CADM1: variants seen among roughly 807,000 people sequenced by gnomAD.
The protein encoded by CADM1 is TSLC-1.
Under a neutral mutation model 53.1 loss-of-function variants are expected in CADM1, and 15 were observed. That is an observed-to-expected ratio of 0.28 (90% CI 0.19 to 0.44). The LOEUF is 0.44. Among genes scored for constraint, CADM1 ranks in the 20% least tolerant of loss-of-function variants. The probability of loss-of-function intolerance (pLI) is 1.00; values close to 1 mark genes in which losing one functional copy is unlikely to be tolerated. For synonymous variants in CADM1, 281 were observed against 243.0 expected (o/e 1.16, Z -1.45); for missense variants, 434 against 611.3 (o/e 0.71, Z 3.06).
At chr11:115,330,836 C>T (rs1421749326) in intron 1 of CADM1, among the ~76,000 whole-genome samples, 1 of 152,186 alleles carries the variant, frequency 6.6e-6, no homozygotes, top group African/African-American at 2.4e-5. Flanking sequence ...AGCCCAGAAC[C>T]TGGGTGGGAG....
intron 1 of CADM1, among the ~76,000 whole-genome samples, chr11:115,260,799 A>G (rs1942951276): frequency 6.6e-6 from 1 of 152,004 alleles, no homozygotes; most frequent in Admixed American, 6.6e-5. Context: ...CAGCCTCCCG[A>G]GTAGCTGGGA....
intron 1 of CADM1, among the ~76,000 whole-genome samples, chr11:115,425,860 C>T (rs1226224600): frequency 1.3e-5 from 2 of 152,160 alleles, no homozygotes; most frequent in Non-Finnish European, 2.9e-5. Flanking sequence ...CTTTACGTGA[C>T]CATGAAGGGA....
At chr11:115,414,616 CA>C (rs1947546672) in intron 1 of CADM1, among the ~76,000 whole-genome samples, 1 of 152,020 alleles carries the variant, frequency 6.6e-6, no homozygotes, top group Non-Finnish European at 1.5e-5. Flanking sequence ...AATCATGAGC[CA>C]AAGAGTTTCT....
chr11:115,417,142 C>G (rs1161217426), intron 1 of CADM1, among the ~76,000 whole-genome samples: 1 of 152,152 alleles, frequency 6.6e-6, no homozygotes, highest in African/African-American at 2.4e-5. Context: ...GATTTCAACT[C>G]ACTTGAAAAC....
intron 1 of CADM1, among the ~76,000 whole-genome samples, chr11:115,337,399 C>T (rs957269252): frequency 6.6e-6 from 1 of 152,142 alleles, no homozygotes; most frequent in African/African-American, 2.4e-5. Flanking sequence ...AACAGCACCT[C>T]TCTTTTCCAG....
intron 1 of CADM1, among the ~76,000 whole-genome samples, chr11:115,248,844 G>A (rs1419245807): frequency 6.6e-6 from 1 of 152,184 alleles, no homozygotes; most frequent in Non-Finnish European, 1.5e-5. Flanking sequence ...ATTTGTTTGT[G>A]AGATGGCATT....
chr11:115,440,225 T>C (rs1948278960), intron 1 of CADM1, among the ~76,000 whole-genome samples: 1 of 152,362 alleles, frequency 6.6e-6, no homozygotes, highest in Middle Eastern at 3.4e-3. Context: ...AATCACTGTA[T>C]GGATACGCTA....
intron 1 of CADM1, among the ~76,000 whole-genome samples, chr11:115,410,514 A>AAT (rs2135243759): frequency 6.6e-6 from 1 of 152,320 alleles, no homozygotes; most frequent in Non-Finnish European, 1.5e-5. Context: ...AGAGCAACAG[A>AAT]ATAAATGCTG....
At chr11:115,178,195 C>A (rs1016555927) in intron 11 of CADM1, among the ~76,000 whole-genome samples, 1 of 152,196 alleles carries the variant, frequency 6.6e-6, no homozygotes. Flanking sequence ...GCAGTCTTCT[C>A]GCCATTGTGA....
intron 8 of CADM1, among the ~76,000 whole-genome samples, chr11:115,206,287 A>G (rs1179530135): frequency 1.3e-5 from 2 of 152,210 alleles, no homozygotes; most frequent in Non-Finnish European, 2.9e-5. Flanking sequence ...TAGAGACTAC[A>G]AAAATTTCTC....
intron 1 of CADM1, among the ~76,000 whole-genome samples, chr11:115,285,627 G>T (rs1943710127): frequency 6.6e-6 from 1 of 152,194 alleles, no homozygotes; most frequent in Non-Finnish European, 1.5e-5. Context: ...ACTGCTATGT[G>T]TTTTCATATA....
At chr11:115,239,078 T>C (rs1384639841) in intron 2 of CADM1, among the ~76,000 whole-genome samples, 1 of 152,126 alleles carries the variant, frequency 6.6e-6, no homozygotes, top group East Asian at 1.9e-4. Context: ...CTTTGGGCAC[T>C]GGAAGTTCAG....
rs369683712 is a variant in CADM1 at position 115,170,834 on chromosome 11, G to A, written c.*5640C>T. 2 of 152,104 alleles carry A rather than the reference G, an allele frequency of 1.3e-5. No homozygotes were observed. The highest frequency in any genetic ancestry group is 2.9e-5 in the Non-Finnish European group (2 of 68,038). 9.4% of individuals were successfully genotyped at this position (152,104 alleles called of 1,614,324 possible). ...GTCCTTGAGAATGATAGGGCCAATCGCTCTAAACTCAGGACTGGCTGGCTT... is the reference window on the plus strand; with the variant it reads ...GTCCTTGAGAATGATAGGGCCAATCACTCTAAACTCAGGACTGGCTGGCTT... On this transcript the variant is annotated 3_prime_UTR_variant, in exon 12 of 12. Transcript: ENST00000331581.
Position 115,221,972 on chromosome 11 carries a change from G to A in CADM1, c.722-3981C>T, listed in dbSNP as rs185996826. Among the ~76,000 whole-genome samples the A allele has an allele frequency of 1.8e-4, 28 of 152,240 alleles. No homozygotes were observed. The East Asian group carries it at 4.4e-3, about 24-fold the overall frequency. On this transcript the variant is annotated intron_variant, in intron 5 of 11. Transcript: ENST00000331581. ...TCTTTGATGTGCTCAATGCAACTAG[G>A]TCCAGGGGCTTGAGTGCAAATCTGT...
chr11:115,277,557 T>C (rs1943477870), intron 1 of CADM1, among the ~76,000 whole-genome samples: 1 of 152,218 alleles, frequency 6.6e-6, no homozygotes, highest in Non-Finnish European at 1.5e-5. Flanking sequence ...TTGTGAAAGA[T>C]GAGAGGAAAG....
intron 1 of CADM1, among the ~76,000 whole-genome samples, chr11:115,242,175 C>G (rs1942258267): frequency 6.6e-6 from 1 of 151,694 alleles, no homozygotes; most frequent in African/African-American, 2.4e-5. Flanking sequence ...AAAATGAAAC[C>G]CAACCTCGAG....
chr11:115,498,845 A>G (rs1028210312), intron 1 of CADM1, among the ~76,000 whole-genome samples: 1 of 152,180 alleles, frequency 6.6e-6, no homozygotes, highest in Non-Finnish European at 1.5e-5. Flanking sequence ...AATCATTCTA[A>G]AAGTAATTAT....
chr11:115,302,516 C>T (rs1401534489), intron 1 of CADM1, among the ~76,000 whole-genome samples: 1 of 151,810 alleles, frequency 6.6e-6, no homozygotes, highest in Non-Finnish European at 1.5e-5. Flanking sequence ...CAATTCAAAC[C>T]ATTATATTTT....
At chr11:115,354,299 A>C (rs1469533966) in intron 1 of CADM1, among the ~76,000 whole-genome samples, 1 of 152,212 alleles carries the variant, frequency 6.6e-6, no homozygotes, top group Non-Finnish European at 1.5e-5. Context: ...TTTCAAATTG[A>C]GTAACTAAGG....
Sources: gnomAD v4.1 joint callset for allele counts (sites outside exome capture counted in the v4.1 genomes callset) on GRCh38, gnomAD v4.1.1 for gene constraint, MANE v1.5 for transcripts, NCBI Gene and HGNC (gene_info 2026-07-23, HGNC 2026-07-21) for gene names.